Variants in NOTCH1 observed in about 807,000 individuals in gnomAD.
The protein encoded by NOTCH1 is neurogenic locus notch homolog protein 1.
NOTCH1 carries 37 observed loss-of-function variants against 254.8 expected under a neutral mutation model. The ratio of observed to expected loss-of-function variants is 0.15; its 90% CI spans 0.11 to 0.19. The LOEUF is 0.19. Ranked by LOEUF, NOTCH1 falls within the 10% of genes least tolerant of loss-of-function variation. The probability of loss-of-function intolerance (pLI) is 1.00; values close to 1 mark genes in which losing one functional copy is unlikely to be tolerated. For missense variants in NOTCH1, 2,972 were observed against 3,708.6 expected (o/e 0.80, Z 5.16); for synonymous variants, 1,731 against 1,618.1 (o/e 1.07, Z -1.68).
At chr9:136,514,305 C>T (rs973391813) in intron 13 of NOTCH1, among the ~76,000 whole-genome samples, 1 of 152,228 alleles carries the variant, frequency 6.6e-6, no homozygotes, top group Admixed American at 6.5e-5. Flanking sequence ...CACAAGGACA[C>T]GCAGCACACA....
At chr9:136,532,542 G>T (rs1843578461) in intron 2 of NOTCH1, among the ~76,000 whole-genome samples, 1 of 152,200 alleles carries the variant, frequency 6.6e-6, no homozygotes, top group Admixed American at 6.5e-5. Flanking sequence ...GGATGACACA[G>T]ATGACACATC....
chr9:136,537,521 AC>A (rs1257740630), intron 2 of NOTCH1, among the ~76,000 whole-genome samples: 2 of 152,218 alleles, frequency 1.3e-5, no homozygotes, highest in East Asian at 3.8e-4. Context: ...AAGTCCCGGA[AC>A]TAGATAGTGG....
chr9:136,499,035 C>T (rs1262884423), intron 32 of NOTCH1, 39 bp from the exon 33 acceptor site: 4 of 1,612,684 alleles, frequency 2.5e-6, no homozygotes, highest in Middle Eastern at 1.6e-4. Context: ...TGGAGACCAG[C>T]TGGAGGCAAC....
intron 27 of NOTCH1, chr9:136,502,883 C>A: frequency 1.6e-6 from 1 of 619,552 alleles, no homozygotes; most frequent in Non-Finnish European, 2.9e-6. Flanking sequence ...TAAAAAAAGC[C>A]GTAATGATTT....
At chr9:136,502,569 A>T in intron 27 of NOTCH1, 81 bp from the exon 28 acceptor site, 2 of 895,178 alleles carry the variant, frequency 2.2e-6, no homozygotes, top group Admixed American at 3.2e-5. Flanking sequence ...GGGGCGGCGG[A>T]CTGGCTCCGC....
chr9:136,543,806 C>T, intron 2 of NOTCH1: 1 of 640,654 alleles, frequency 1.6e-6, no homozygotes. Flanking sequence ...CGGAGGAGTG[C>T]CCAAGCCCTC....
At chr9:136,517,429 T>A (rs1237400801) in intron 8 of NOTCH1, 44 bp from the exon 9 acceptor site, 1 of 1,286,152 alleles carries the variant, frequency 7.8e-7, no homozygotes, top group African/African-American at 1.5e-5. Context: ...GCGGCCCCAG[T>A]GCCCCACTGG....
chr9:136,507,277 C>T (rs771563346), intron 22 of NOTCH1, 28 bp downstream of exon 22: 2 of 1,612,610 alleles, frequency 1.2e-6, no homozygotes, highest in Non-Finnish European at 1.7e-6. Context: ...GGATGGCCAA[C>T]ACCAGCCCTC....
At chr9:136,500,060 G>A (rs1842972409) in intron 31 of NOTCH1, among the ~76,000 whole-genome samples, 1 of 152,156 alleles carries the variant, frequency 6.6e-6, no homozygotes, top group South Asian at 2.1e-4. Context: ...ACTCCCTGGA[G>A]ACCCAGGCAT....
intron 31 of NOTCH1, 46 bp downstream of exon 31, chr9:136,500,506 G>T (rs775522860): frequency 1.1e-5 from 18 of 1,600,032 alleles, no homozygotes; most frequent in East Asian, 4.5e-5. Flanking sequence ...AGACCACCAG[G>T]CGGCCCTGAG....
intron 2 of NOTCH1, among the ~76,000 whole-genome samples, chr9:136,526,033 C>A (rs565910297): frequency 6.6e-6 from 1 of 152,386 alleles, no homozygotes; most frequent in East Asian, 1.9e-4. Context: ...TCCTGCCAGC[C>A]CAGTGAGCGA....
chr9:136,515,388 T>G lies in NOTCH1; in HGVS notation c.1916A>C (p.Glu639Ala). The G allele has an allele frequency of 6.2e-7, 1 of 1,612,968 alleles. No homozygotes were observed. Among genetic ancestry groups the G allele is most frequent in the Non-Finnish European group, 8.5e-7 (1 of 1,179,966 alleles). ...CLKGTTGPNC[E>A]INLDDCASSP... is the part of the protein sequence containing the mutation. ...GCTGGCACAGTCATCCAGGTTGATCTCGCAGTTGGGTCCTGAAGGGGTGGC... is the reference window on the plus strand; with the variant it reads ...GCTGGCACAGTCATCCAGGTTGATCGCGCAGTTGGGTCCTGAAGGGGTGGC... Residue 639 changes from glutamate to alanine, a missense_variant, in exon 12 of 34, where the codon GAG becomes GCG. Physicochemically the swap from Glu to Ala is moderately radical, Grantham distance 107 (BLOSUM62 -1). Coordinates refer to ENST00000651671, the MANE Select transcript of NOTCH1 (RefSeq NM_017617.5).
chr9:136,500,967 G>A, intron 30 of NOTCH1, 120 bp from the exon 31 acceptor site: 1 of 1,180,840 alleles, frequency 8.5e-7, no homozygotes, highest in Non-Finnish European at 1.2e-6. Context: ...CCCAGCACTT[G>A]GTGGCCCCGT....
At chr9:136,528,749 G>A (rs943393912) in intron 2 of NOTCH1, among the ~76,000 whole-genome samples, 1 of 152,014 alleles carries the variant, frequency 6.6e-6, no homozygotes, top group Non-Finnish European at 1.5e-5. Flanking sequence ...CCCTCCTTGG[G>A]CCTCACTGCC....
In NOTCH1 at chr9:136,518,793, G is replaced by A. The variant is rs2133371536; in HGVS notation, c.897C>T (p.Cys299=). Residue 299 remains cysteine (C), a synonymous_variant, in exon 6 of 34, where the codon TGC becomes TGT. Coordinates refer to ENST00000651671, the MANE Select transcript of NOTCH1 (RefSeq NM_017617.5). ...GQYCTEDVDE[C]QLMPNACQNG... is the part of the protein sequence containing the mutation. ...TCTGGCAGGCATTTGGCATCAGCTGGCACTCGTCCACATCCTCGGTACAGT... is the reference window on the plus strand; with the variant it reads ...TCTGGCAGGCATTTGGCATCAGCTGACACTCGTCCACATCCTCGGTACAGT... The A allele has an allele frequency of 6.2e-7, 1 of 1,612,842 alleles. No homozygotes were observed. Among genetic ancestry groups the A allele is most frequent in the Non-Finnish European group, 8.5e-7 (1 of 1,179,978 alleles).
chr9:136,496,562 G>C lies in NOTCH1; in HGVS notation c.7177C>G (p.Gln2393Glu), dbSNP rs779613930. The change falls in exon 34 of 34, where the codon CAG becomes GAG. Residue 2393 changes from glutamine (Q) to glutamate (E), a missense_variant. Physicochemically the swap from Gln to Glu is conservative, Grantham distance 29. Coordinates refer to ENST00000651671, the MANE Select transcript of NOTCH1 (RefSeq NM_017617.5). ...TTTGCTGGCTGCAGGTTCTGCTGCT[G>C]CATCTGTAAGTTTTGTGGCTGCACC... ...QQVQPQNLQM[Q>E]QQNLQPANIQ... The C allele has an allele frequency of 1.9e-6, 3 of 1,611,378 alleles. No individual in the cohort carries two copies. Among genetic ancestry groups the C allele is most frequent in the Non-Finnish European group, 2.5e-6 (3 of 1,179,984 alleles).
At position 136,504,950 on chromosome 9, in the gene NOTCH1, G is replaced by A. The variant is rs769288225; in HGVS notation, c.4741C>T (p.Pro1581Ser). ...GAGCTGTTGCGCAGCTGCTCCGGCG[G>A]CATCAGCACCACCACCACCAGCGTG... ...AGTLVVVVLM[P>S]PEQLRNSSFH... Residue 1581 changes from proline (P) to serine (S), a missense_variant, in exon 26 of 34, where the codon CCG (proline) becomes TCG (serine). This residue lies in a region of NOTCH1 where 1,343 missense variants were observed against 1,557.0 expected (regional missense o/e 0.86). Coordinates refer to ENST00000651671, the MANE Select transcript of NOTCH1 (RefSeq NM_017617.5). 6.3e-7 allele frequency: 1 copy of A among 1,588,052 alleles called. No homozygotes were observed. Among genetic ancestry groups the A allele is most frequent in the Admixed American group, 1.8e-5 (1 of 56,680 alleles).
At position 136,540,074 on chromosome 9, in the gene NOTCH1, T is replaced by C. The variant is rs1323672617; in HGVS notation, c.140+3950A>G. Among the ~76,000 whole-genome samples, 2 of 152,196 alleles carry C rather than the reference T, an allele frequency of 1.3e-5. No individual in the cohort carries two copies. Among genetic ancestry groups the C allele is most frequent in the Non-Finnish European group, 2.9e-5 (2 of 68,036 alleles). On this transcript the variant is annotated intron_variant, in intron 2 of 33. Coordinates refer to ENST00000651671, the MANE Select transcript of NOTCH1 (RefSeq NM_017617.5). This position sits in a 1 kb window ranked among gnomAD's most constrained non-coding sequence, Gnocchi z 4.4. The stretch of plus-strand genomic sequence containing the variant: ...GTGTGACCCTGGGGCTGATGGCGAC[T>C]TCTCTGGGTCTCTTCTTCTCACTTA...
chr9:136,510,402 C>A, intron 17 of NOTCH1: 1 of 601,248 alleles, frequency 1.7e-6, no homozygotes. Flanking sequence ...CCATCCTCGG[C>A]TCAGTGAAGA....
Sources: gnomAD v4.1 joint callset for allele counts (sites outside exome capture counted in the v4.1 genomes callset) on GRCh38, gnomAD v4.1.1 for gene constraint, gnomAD v4.1.1 regional missense constraint, Gnocchi (gnomAD v3.1) non-coding constraint, MANE v1.5 for transcripts, NCBI Gene and HGNC (gene_info 2026-07-23, HGNC 2026-07-21) for gene names.